GBE1: variants seen among roughly 807,000 people sequenced by gnomAD.
GBE1 encodes 1,4-alpha-glucan branching enzyme 1.
GBE1 carries 70 observed loss-of-function variants against 88.8 expected under a neutral mutation model. The ratio of observed to expected loss-of-function variants is 0.79; its 90% CI spans 0.65 to 0.96. The LOEUF (loss-of-function observed/expected upper bound fraction) is 0.96. Among genes scored for constraint, GBE1 ranks in the 40% least tolerant of loss-of-function variants. The pLI, the probability that GBE1 is intolerant of heterozygous loss-of-function variation, is 0.00. For synonymous variants in GBE1, 284 were observed against 300.1 expected (o/e 0.95, Z 0.56); for missense variants, 872 against 871.0 (o/e 1.00, Z -0.01).
At chr3:81,693,743 A>AAC (rs1423471983) in intron 2 of GBE1, among the ~76,000 whole-genome samples, 3 of 151,798 alleles carry the variant, frequency 2.0e-5, no homozygotes, top group Non-Finnish European at 4.4e-5. Context: ...GAAACACACA[A>AAC]ACACACACAC....
At chr3:81,566,235 A>G (rs1412204868) in intron 12 of GBE1, among the ~76,000 whole-genome samples, 1 of 152,174 alleles carries the variant, frequency 6.6e-6, no homozygotes, top group African/African-American at 2.4e-5. Context: ...CCTAGCCTTA[A>G]GAATCACCTG....
chr3:81,729,642 A>G (rs928566150), intron 1 of GBE1, among the ~76,000 whole-genome samples: 3 of 152,174 alleles, frequency 2.0e-5, no homozygotes. Flanking sequence ...ATAAATACCC[A>G]TCATAGAACA....
intron 7 of GBE1, among the ~76,000 whole-genome samples, chr3:81,638,336 A>C (rs1704621297): frequency 6.6e-6 from 1 of 152,140 alleles, no homozygotes; most frequent in Non-Finnish European, 1.5e-5. Context: ...CTACTTTGCT[A>C]TCTCCTTTAG....
chr3:81,573,963 T>G (rs1319682739), intron 12 of GBE1, among the ~76,000 whole-genome samples: 1 of 152,134 alleles, frequency 6.6e-6, no homozygotes, highest in Non-Finnish European at 1.5e-5. Flanking sequence ...AAAAACAAAT[T>G]GAGGCAACCC....
At chr3:81,552,551 G>T (rs1415569977) in intron 12 of GBE1, among the ~76,000 whole-genome samples, 2 of 142,526 alleles carry the variant, frequency 1.4e-5, no homozygotes, top group East Asian at 2.0e-4. Context: ...AAAAAAGAAG[G>T]CTGTCAAAAT....
At chr3:81,558,335 C>A (rs1492886) in intron 12 of GBE1, among the ~76,000 whole-genome samples, 100,091 of 151,768 alleles carry the variant, frequency 0.66, 34,990 homozygotes, top group East Asian at 0.92. Flanking sequence ...CTAAAAAAGA[C>A]GACATTTACT....
chr3:81,598,109 T>C (rs1703984066), intron 7 of GBE1, among the ~76,000 whole-genome samples: 1 of 151,998 alleles, frequency 6.6e-6, no homozygotes. Context: ...TTCTATTTAT[T>C]TGTGGTCCAA....
At chr3:81,546,597 G>A (rs1390328533) in intron 12 of GBE1, among the ~76,000 whole-genome samples, 1 of 151,346 alleles carries the variant, frequency 6.6e-6, no homozygotes, top group Non-Finnish European at 1.5e-5. Context: ...ATGGTAATGA[G>A]AGTGACCTCT....
chr3:81,490,391 C>G lies in GBE1; in HGVS notation c.*16G>C. On this transcript the variant is annotated 3_prime_UTR_variant, in exon 16 of 16. Transcript: ENST00000429644. ...AAACACAAATCTGCATCTGGTGGAG[C>G]TGAAATCAGGCCTCTTCAATTCGGC... 1.2e-6 allele frequency: 2 copies of G among 1,606,488 alleles called. No individual in the cohort carries two copies. Among genetic ancestry groups the G allele is most frequent in the Non-Finnish European group, 1.7e-6 (2 of 1,173,346 alleles).
rs115260171 is a variant in GBE1, at chr3:81,697,587, A to T, written c.313+7857T>A. 3.4e-3 allele frequency among the ~76,000 whole-genome samples: 522 copies of T among 152,316 alleles called. 5 individuals are homozygous for T. Among genetic ancestry groups the T allele is most frequent in the Middle Eastern group, 0.01 (3 of 294 alleles). ...AGTGCTGGGATTACAGGCGTGAGCC[A>T]CTGCGCCTGGCCCAGGGCAGACAAC... On this transcript the variant is annotated intron_variant, in intron 2 of 15. Transcript: ENST00000429644.
At position 81,649,808 on chromosome 3, in the gene GBE1, T is replaced by A; in HGVS notation, c.543A>T (p.Glu181Asp). Residue 181 changes from glutamate (E) to aspartate (D), a missense_variant, in exon 4 of 16, where the codon GAA (glutamate) becomes GAT (aspartate). Physicochemically the swap from Glu to Asp is conservative, Grantham distance 45. Transcript: ENST00000429644. ...TTGTTGTTCTCACCTCATATGAGTGTTCTGGATCCCAGTGTATCCAATCAT... is the reference window on the plus strand; with the variant it reads ...TTGTTGTTCTCACCTCATATGAGTGATCTGGATCCCAGTGTATCCAATCAT... ...VNYDWIHWDP[E>D]HSYEFKHSRP... The A allele has an allele frequency of 6.2e-7, 1 of 1,608,820 alleles. No homozygotes were observed. Among genetic ancestry groups the A allele is most frequent in the Non-Finnish European group, 8.5e-7 (1 of 1,176,792 alleles).
intron 12 of GBE1, among the ~76,000 whole-genome samples, chr3:81,554,162 T>C (rs1440385286): frequency 1.3e-5 from 2 of 152,094 alleles, no homozygotes; most frequent in South Asian, 2.1e-4. Flanking sequence ...GGGAGAAAAT[T>C]AGCCACACAA....
At chr3:81,649,990 G>A in intron 3 of GBE1, 69 bp from the exon 4 acceptor site, 1 of 1,260,102 alleles carries the variant, frequency 7.9e-7, no homozygotes, top group Non-Finnish European at 1.1e-6. Flanking sequence ...AATGGTTTAG[G>A]AGCACTGCTA....
intron 12 of GBE1, among the ~76,000 whole-genome samples, chr3:81,561,467 C>T (rs377474218): frequency 4.7e-4 from 72 of 152,096 alleles, no homozygotes; most frequent in African/African-American, 1.5e-3. Flanking sequence ...TTACTTCCCT[C>T]GTAATCTTTA....
At chr3:81,611,629 T>A (rs563878479) in intron 7 of GBE1, among the ~76,000 whole-genome samples, 1 of 152,236 alleles carries the variant, frequency 6.6e-6, no homozygotes, top group Admixed American at 6.5e-5. Flanking sequence ...TCTGAAGACC[T>A]TCAAGGGAAA....
intron 3 of GBE1, among the ~76,000 whole-genome samples, chr3:81,669,113 C>T (rs1465746405): frequency 6.6e-6 from 1 of 152,110 alleles, no homozygotes; most frequent in African/African-American, 2.4e-5. Context: ...AACCCTGCAA[C>T]CAAAGCTCCA....
chr3:81,672,101 G>A (rs180885805), intron 2 of GBE1, among the ~76,000 whole-genome samples: 27 of 151,942 alleles, frequency 1.8e-4, no homozygotes, highest in Admixed American at 1.6e-3. Context: ...ATATCATTTC[G>A]CACTCAGGAC....
rs371338388 is a variant in GBE1, at chr3:81,711,547, A to T, written c.144-5934T>A. On this transcript the variant is annotated intron_variant, in intron 1 of 15. Transcript: ENST00000429644. ...ATTTCTGAGGGCTCTGTTCTGTTCC[A>T]TTGGTCTATATCTCTGTTTTGGTAC... 2.0e-5 allele frequency among the ~76,000 whole-genome samples: 3 copies of T among 152,228 alleles called. No individual in the cohort carries two copies. In the East Asian group the frequency reaches 5.8e-4, roughly 29 times the overall value.
intron 2 of GBE1, among the ~76,000 whole-genome samples, chr3:81,677,227 T>C (rs969744637): frequency 6.6e-6 from 1 of 151,974 alleles, no homozygotes; most frequent in Non-Finnish European, 1.5e-5. Context: ...TGCTAAAGAG[T>C]TTGGTTTGCA....
Sources: allele counts gnomAD v4.1 joint callset (sites outside exome capture counted in the v4.1 genomes callset), GRCh38; gene constraint gnomAD v4.1.1; transcripts MANE v1.5; gene names NCBI Gene and HGNC (gene_info 2026-07-23, HGNC 2026-07-21).